The following MEI1 variants were observed in gnomAD, a reference collection of about 807,000 sequenced individuals.
MEI1 encodes meiotic double-stranded break formation protein 1, also known as meiosis inhibitor protein 1.
MEI1 carries 103 observed loss-of-function variants against 146.2 expected under a neutral mutation model. The ratio of observed to expected loss-of-function variants is 0.70; its 90% confidence interval spans 0.60 to 0.83. MEI1 has a LOEUF of 0.83. Ranked by LOEUF, MEI1 falls within the 40% of genes least tolerant of loss-of-function variation. MEI1 has a pLI of 0.00. For missense variants in MEI1, 1,529 were observed against 1,533.0 expected (o/e 1.00, Z 0.04); for synonymous variants, 652 against 628.2 (o/e 1.04, Z -0.57).
intron 3 of MEI1, chr22:41,709,518 G>A (rs1667757131): frequency 3.4e-6 from 2 of 588,182 alleles, no homozygotes; most frequent in Non-Finnish European, 6.4e-6. Flanking sequence ...CGGGATGTAG[G>A]TGCTGTGCGC....
intron 11 of MEI1, among the ~76,000 whole-genome samples, chr22:41,742,414 A>G (rs1238507975): frequency 6.6e-6 from 1 of 152,210 alleles, no homozygotes; most frequent in East Asian, 1.9e-4. Context: ...TTCTTTTACC[A>G]GCAGGCTCTC....
chr22:41,763,219 C>T lies in MEI1; in HGVS notation c.2166C>T (p.Leu722=), dbSNP rs1266198821. 6.2e-7 allele frequency: 1 copy of T among 1,613,950 alleles called. No individual in the cohort carries two copies. Among genetic ancestry groups the T allele is most frequent in the Non-Finnish European group, 8.5e-7 (1 of 1,179,838 alleles). Residue 722 remains leucine, a synonymous_variant, in exon 19 of 31, where the codon CTC becomes CTT. Coordinates refer to ENST00000401548, the MANE Select transcript of MEI1 (RefSeq NM_152513.4). ...AELFEAVQSF[L]LSLQDQGERP... ...TATTTGAGGCTGTGCAAAGCTTCCTCCTGTCGCTGCAGGACCAGGGCGAGC... is the reference window on the plus strand; with the variant it reads ...TATTTGAGGCTGTGCAAAGCTTCCTTCTGTCGCTGCAGGACCAGGGCGAGC...
chr22:41,700,833 C>T (rs899755974), intron 1 of MEI1, among the ~76,000 whole-genome samples: 9 of 146,444 alleles, frequency 6.1e-5, no homozygotes, highest in Non-Finnish European at 8.9e-5. Flanking sequence ...AACTCCTAGT[C>T]TCAAGCAATT....
At chr22:41,719,561 C>G (rs1019238524) in intron 6 of MEI1, among the ~76,000 whole-genome samples, 2 of 152,204 alleles carry the variant, frequency 1.3e-5, no homozygotes, top group Non-Finnish European at 2.9e-5. Flanking sequence ...TTAATTCATT[C>G]ATGAGGGTCC....
chr22:41,737,262 A>T (rs1419104243), intron 11 of MEI1, among the ~76,000 whole-genome samples: 3 of 150,622 alleles, frequency 2.0e-5, no homozygotes, highest in Non-Finnish European at 3.0e-5. Context: ...TTTGAGACGG[A>T]GTCTTGCTCT....
chr22:41,758,663 G>A, intron 18 of MEI1, 130 bp downstream of exon 18: 3 of 949,918 alleles, frequency 3.2e-6, no homozygotes, highest in Non-Finnish European at 4.6e-6. Context: ...TAAGAAATGG[G>A]TTGTGTCCCT....
chr22:41,722,246 T>G (rs1381308090), intron 6 of MEI1: 2 of 151,780 alleles, frequency 1.3e-5, no homozygotes, highest in African/African-American at 2.4e-5. Context: ...CTGTCTTATG[T>G]CATCTTATTC....
At chr22:41,780,151 ACT>A (rs2075679834) in intron 22 of MEI1, among the ~76,000 whole-genome samples, 1 of 152,182 alleles carries the variant, frequency 6.6e-6, no homozygotes, top group Admixed American at 6.5e-5. Flanking sequence ...TGTGTGACAA[ACT>A]CAGCCTTCAG....
In MEI1 at chr22:41,799,333, G is replaced by C. The variant is rs761327867; in HGVS notation, c.*34G>C. On this transcript the variant is annotated 3_prime_UTR_variant, in exon 31 of 31. Transcript: ENST00000401548. ...ACTTGAAGGCCCAGAAGTGGAGAGAGAATGAGACCTGGAGACAAAGGGCAT... is the reference window on the plus strand; with the variant it reads ...ACTTGAAGGCCCAGAAGTGGAGAGACAATGAGACCTGGAGACAAAGGGCAT... 87 of 1,605,946 alleles carry C rather than the reference G, an allele frequency of 5.4e-5. No individual in the cohort carries two copies. Among genetic ancestry groups the C allele is most frequent in the Non-Finnish European group, 7.0e-5 (82 of 1,173,258 alleles).
At chr22:41,789,397 C>T (rs904894557) in intron 26 of MEI1, among the ~76,000 whole-genome samples, 2 of 152,106 alleles carry the variant, frequency 1.3e-5, no homozygotes, top group Admixed American at 1.3e-4. Context: ...CTCCTGGGCT[C>T]AAGCAATCCT....
chr22:41,799,212 G>T, intron 30 of MEI1, 42 bp from the exon 31 acceptor site: 1 of 1,605,624 alleles, frequency 6.2e-7, no homozygotes, highest in Non-Finnish European at 8.5e-7. Context: ...CCCATGGTTG[G>T]CCCCACTTCT....
intron 3 of MEI1, among the ~76,000 whole-genome samples, chr22:41,710,042 G>T (rs1049297418): frequency 6.6e-6 from 1 of 152,002 alleles, no homozygotes; most frequent in Non-Finnish European, 1.5e-5. Context: ...TGTCTTTGGG[G>T]ATAGGGCCTT....
intron 21 of MEI1, among the ~76,000 whole-genome samples, chr22:41,776,560 C>A (rs114750723): frequency 0.017 from 2,576 of 152,262 alleles, 84 homozygotes; most frequent in African/African-American, 0.057. Context: ...ACAAGCATGG[C>A]AGCCCCCTGT....
At chr22:41,756,189 G>T (rs942092419) in intron 17 of MEI1, among the ~76,000 whole-genome samples, 2 of 152,088 alleles carry the variant, frequency 1.3e-5, no homozygotes, top group African/African-American at 4.8e-5. Context: ...GCCCAGGCTG[G>T]AGTTGAGTGA....
At chr22:41,747,990 T>A (rs1375869004) in intron 14 of MEI1, 117 bp from the exon 15 acceptor site, 6 of 698,896 alleles carry the variant, frequency 8.6e-6, no homozygotes, top group Non-Finnish European at 1.5e-5. Flanking sequence ...GTTCCCTAGC[T>A]TTTGTTGTGT....
intron 12 of MEI1, among the ~76,000 whole-genome samples, chr22:41,743,706 G>A (rs919059168): frequency 2.0e-5 from 3 of 152,178 alleles, no homozygotes; most frequent in Non-Finnish European, 4.4e-5. Context: ...TGGAAACTAA[G>A]CTCTTTACAC....
chr22:41,719,189 A>G (rs1027362776), intron 6 of MEI1, among the ~76,000 whole-genome samples: 57 of 151,968 alleles, frequency 3.8e-4, no homozygotes, highest in African/African-American at 1.4e-3. Flanking sequence ...TCACCGTGTT[A>G]GACAGGATGG....
intron 1 of MEI1, among the ~76,000 whole-genome samples, chr22:41,699,944 C>T (rs1437094480): frequency 1.3e-5 from 2 of 152,224 alleles, no homozygotes; most frequent in Non-Finnish European, 2.9e-5. Flanking sequence ...ACTGGCTCTG[C>T]GCCTGAAAGG....
At chr22:41,729,857 C>T in intron 8 of MEI1, 78 bp downstream of exon 8, 1 of 842,348 alleles carries the variant, frequency 1.2e-6, no homozygotes, top group Non-Finnish European at 1.8e-6. Context: ...GTATGACAGA[C>T]CCTATGAACT....
Sources: gnomAD v4.1 joint callset for allele counts (sites outside exome capture counted in the v4.1 genomes callset) on GRCh38, gnomAD v4.1.1 for gene constraint, MANE v1.5 for transcripts, NCBI Gene and HGNC (gene_info 2026-07-23, HGNC 2026-07-21) for gene names.